Variants in PTPRZ1 observed in about 807,000 individuals in gnomAD.
PTPRZ1 encodes the protein protein tyrosine phosphatase receptor type Z1, also known as receptor-type tyrosine-protein phosphatase zeta.
In PTPRZ1, 82 loss-of-function variants were observed where a neutral mutation model predicts 214.1. The observed-to-expected ratio is 0.38, with a 90% CI of 0.32 to 0.46. PTPRZ1 has a LOEUF of 0.46. PTPRZ1 is among the 20% of genes least tolerant of loss of function. PTPRZ1 has a pLI of 1.00. For missense variants in PTPRZ1, 2,603 were observed against 2,748.7 expected (o/e 0.95, Z 1.19); for synonymous variants, 945 against 987.9 (o/e 0.96, Z 0.81).
intron 1 of PTPRZ1, among the ~76,000 whole-genome samples, chr7:121,913,941 T>G (rs946187857): frequency 1.3e-5 from 2 of 152,252 alleles, no homozygotes; most frequent in Non-Finnish European, 2.9e-5. Context: ...CCTAGAATTA[T>G]CCAGCTACAC....
chr7:121,935,539 G>T (rs566791773), intron 2 of PTPRZ1, among the ~76,000 whole-genome samples: 28 of 118,622 alleles, frequency 2.4e-4, no homozygotes, highest in South Asian at 5.4e-4. Context: ...GTTTTTTGGG[G>T]TTTTTTTTGT....
rs1287692714 is a variant in PTPRZ1 at position 122,013,124 on chromosome 7, T to C, written c.4078T>C (p.Phe1360Leu). The change falls in exon 12 of 30, where the codon TTT becomes CTT. Residue 1360 changes from phenylalanine (F) to leucine (L), a missense_variant. Transcript: ENST00000393386. ...TATTCCAACAGTTGCTTCTGATACA[T>C]TTGTATCTACTGATCATTCTGTTCC... ...AGIPTVASDT[F>L]VSTDHSVPIG... 6.2e-7 allele frequency: 1 copy of C among 1,613,882 alleles called. No homozygotes were observed. Among genetic ancestry groups the C allele is most frequent in the East Asian group, 2.2e-5 (1 of 44,896 alleles).
intron 15 of PTPRZ1, among the ~76,000 whole-genome samples, chr7:122,032,619 A>G (rs1474516467): frequency 1.3e-5 from 2 of 152,164 alleles, no homozygotes; most frequent in East Asian, 3.9e-4. Flanking sequence ...TTCTTTCCCC[A>G]CTGCACCCAG....
chr7:122,055,157 C>T lies in PTPRZ1; in HGVS notation c.6528+70C>T, dbSNP rs1303863300. 3.2e-6 allele frequency: 4 copies of T among 1,261,354 alleles called. No individual in the cohort carries two copies. The African/African-American group carries it at 6.2e-5, about 19-fold the overall frequency. The allele number at this position is 1,261,354 out of a possible 1,614,324, so 78.1% of individuals were successfully genotyped here. A position where few individuals can be genotyped will look rare whatever the true frequency, so the allele number is the denominator to read the frequency against. On this transcript the variant is annotated intron_variant, in intron 27 of 29. Transcript: ENST00000393386. ...GTTAAACATATTCTGACCTAAGGAT[C>T]TGTCCTAGAAATGAAAAGCATGATT...
chr7:121,891,736 C>T (rs1794630107), intron 1 of PTPRZ1, among the ~76,000 whole-genome samples: 1 of 151,884 alleles, frequency 6.6e-6, no homozygotes, highest in African/African-American at 2.4e-5. Context: ...GTTACATACT[C>T]TCCAGTTTTT....
intron 1 of PTPRZ1, among the ~76,000 whole-genome samples, chr7:121,895,394 G>T (rs34982020): frequency 1.3e-5 from 2 of 152,128 alleles, no homozygotes; most frequent in African/African-American, 4.8e-5. Context: ...GAAGTTGATA[G>T]TGTTGGGTAG....
intron 1 of PTPRZ1, among the ~76,000 whole-genome samples, chr7:121,900,468 C>A (rs986042191): frequency 6.6e-6 from 1 of 152,178 alleles, no homozygotes; most frequent in Non-Finnish European, 1.5e-5. Context: ...TTATACATTT[C>A]TCTTCCCATT....
At chr7:121,966,645 T>G (rs969438446) in intron 2 of PTPRZ1, among the ~76,000 whole-genome samples, 8 of 152,208 alleles carry the variant, frequency 5.3e-5, no homozygotes, top group Non-Finnish European at 1.2e-4. Context: ...GATGCCTCAC[T>G]ATGAGATGTA....
chr7:121,998,055 GT>G (rs1438704371), intron 10 of PTPRZ1, 49 bp downstream of exon 10: 1 of 1,560,312 alleles, frequency 6.4e-7, no homozygotes. Flanking sequence ...AATGAGGTTA[GT>G]TTAATTACTG....
chr7:121,964,516 CAT>C (rs1273081121), intron 2 of PTPRZ1, among the ~76,000 whole-genome samples: 1 of 152,072 alleles, frequency 6.6e-6, no homozygotes, highest in Non-Finnish European at 1.5e-5. Flanking sequence ...CCTCCCATGA[CAT>C]GTGGGGATTA....
chr7:122,037,679 T>A (rs1218272809), intron 18 of PTPRZ1, among the ~76,000 whole-genome samples: 1 of 152,214 alleles, frequency 6.6e-6, no homozygotes, highest in Non-Finnish European at 1.5e-5. Flanking sequence ...TGTTTCATGC[T>A]TCCTGAGGAG....
intron 11 of PTPRZ1, among the ~76,000 whole-genome samples, chr7:122,009,412 G>A (rs1352145436): frequency 6.7e-6 from 1 of 148,522 alleles, no homozygotes; most frequent in African/African-American, 2.5e-5. Flanking sequence ...ATTCTAACAA[G>A]CTGTTGGGTA....
intron 1 of PTPRZ1, among the ~76,000 whole-genome samples, chr7:121,884,027 T>G (rs1794320806): frequency 6.6e-6 from 1 of 152,126 alleles, no homozygotes; most frequent in African/African-American, 2.4e-5. Context: ...ATTACTAAGT[T>G]TAGGAAAGAG....
chr7:121,983,540 A>C (rs2116567646), intron 6 of PTPRZ1, 125 bp from the exon 7 acceptor site: 1 of 951,402 alleles, frequency 1.1e-6, no homozygotes, highest in South Asian at 2.1e-5. Context: ...ATATATCTAA[A>C]ATGTTTCAAA....
At chr7:122,034,511 A>G in intron 17 of PTPRZ1, 133 bp downstream of exon 17, 1 of 685,502 alleles carries the variant, frequency 1.5e-6, no homozygotes, top group Non-Finnish European at 2.5e-6. Flanking sequence ...GAATAATAAG[A>G]CTTGTGTTAG....
chr7:121,911,735 C>T (rs756762404), intron 1 of PTPRZ1, among the ~76,000 whole-genome samples: 90 of 151,056 alleles, frequency 6.0e-4, no homozygotes, highest in African/African-American at 2.1e-3. Context: ...TATGATCTAT[C>T]ACATATCATA....
intron 16 of PTPRZ1, 22 bp downstream of exon 16, chr7:122,034,137 T>C: frequency 6.3e-7 from 1 of 1,589,888 alleles, no homozygotes; most frequent in Non-Finnish European, 8.6e-7. Flanking sequence ...TTTCACTGCA[T>C]TTTCTTTTAG....
intron 23 of PTPRZ1, among the ~76,000 whole-genome samples, chr7:122,046,787 A>G (rs1029697545): frequency 6.6e-6 from 1 of 152,160 alleles, no homozygotes; most frequent in African/African-American, 2.4e-5. Flanking sequence ...ATAAACATGT[A>G]TATTTGGCAG....
At chr7:122,031,007 T>A (rs1799351868) in intron 14 of PTPRZ1, among the ~76,000 whole-genome samples, 1 of 152,048 alleles carries the variant, frequency 6.6e-6, no homozygotes, top group Non-Finnish European at 1.5e-5. Flanking sequence ...AATGTAAACA[T>A]CTATTTGACT....
Sources: allele counts gnomAD v4.1 joint callset (sites outside exome capture counted in the v4.1 genomes callset), GRCh38; gene constraint gnomAD v4.1.1; transcripts MANE v1.5; gene names NCBI Gene and HGNC (gene_info 2026-07-23, HGNC 2026-07-21).